The following SCN2A variants were observed in gnomAD, a reference collection of about 807,000 sequenced individuals.
SCN2A encodes sodium voltage-gated channel alpha subunit 2.
SCN2A carries 20 observed loss-of-function variants against 188.7 expected under a neutral mutation model. The observed-to-expected ratio is 0.11, with a 90% confidence interval of 0.07 to 0.15. SCN2A has a LOEUF of 0.15. Among genes scored for constraint, SCN2A ranks in the 10% least tolerant of loss-of-function variants. The pLI is 1.00. For synonymous variants in SCN2A, 804 were observed against 833.1 expected (o/e 0.97, Z 0.60); for missense variants, 1,278 against 2,445.0 (o/e 0.52, Z 10.07).
At chr2:165,363,640 A>C (rs1473632668) in intron 17 of SCN2A, among the ~76,000 whole-genome samples, 1 of 152,170 alleles carries the variant, frequency 6.6e-6, no homozygotes, top group African/African-American at 2.4e-5. Flanking sequence ...GAAATTAGAA[A>C]AACATGTAAT....
At chr2:165,251,512 T>G (rs1694092572) in intron 1 of SCN2A, among the ~76,000 whole-genome samples, 1 of 152,074 alleles carries the variant, frequency 6.6e-6, no homozygotes, top group African/African-American at 2.4e-5. Flanking sequence ...GACGATTATC[T>G]TGTGTGGTTT....
chr2:165,255,431 C>T (rs1290790214), intron 1 of SCN2A, among the ~76,000 whole-genome samples: 4 of 151,864 alleles, frequency 2.6e-5, no homozygotes, highest in South Asian at 2.1e-4. Flanking sequence ...TTGGTATTCA[C>T]GTTAATTTAA....
At chr2:165,375,838 C>A (rs1173108967) in intron 22 of SCN2A, among the ~76,000 whole-genome samples, 2 of 151,746 alleles carry the variant, frequency 1.3e-5, no homozygotes, top group African/African-American at 2.4e-5. Context: ...CACACACACA[C>A]CCCTATAGAC....
intron 14 of SCN2A, among the ~76,000 whole-genome samples, chr2:165,332,007 ATT>A (rs1348890833): frequency 6.6e-6 from 1 of 151,934 alleles, no homozygotes; most frequent in African/African-American, 2.4e-5. Context: ...GGGGATTATT[ATT>A]TTTTGTTTTT....
chr2:165,247,984 A>G (rs1395204411), intron 1 of SCN2A, among the ~76,000 whole-genome samples: 1 of 151,944 alleles, frequency 6.6e-6, no homozygotes, highest in Non-Finnish European at 1.5e-5. Context: ...ATCATCCTTG[A>G]TTATTCTTTT....
chr2:165,326,715 C>A (rs936189965), intron 12 of SCN2A, 137 bp from the exon 13 acceptor site: 3 of 1,040,598 alleles, frequency 2.9e-6, no homozygotes, highest in Non-Finnish European at 4.4e-6. Context: ...AATTATCATT[C>A]CAACAATATC....
In SCN2A at chr2:165,313,891, C is replaced by T. The variant is rs1465446223; in HGVS notation, c.1177-11C>T. 8.1e-6 allele frequency: 13 copies of T among 1,613,628 alleles called. No individual in the cohort carries two copies. The highest frequency in any genetic ancestry group is 1.1e-5 in the Non-Finnish European group (13 of 1,179,692). On this transcript the variant is annotated splice_polypyrimidine_tract_variant and intron_variant, in intron 9 of 26. Coordinates refer to ENST00000375437, the MANE Select transcript of SCN2A (RefSeq NM_001040142.2). ...TATAAAATTTATTAAAATCTCTCTT[C>T]CATTTTGCAGACACTACGTGCTGCT...
At chr2:165,272,026 C>G (rs1190104807) in intron 1 of SCN2A, 1 of 152,016 alleles carries the variant, frequency 6.6e-6, no homozygotes, top group African/African-American at 2.4e-5. Flanking sequence ...TATGAACATT[C>G]TTGCATAGGT....
chr2:165,342,518 C>A lies in SCN2A; in HGVS notation c.2562+49C>A. ...AAAATGTACTTTGTAATTAATTAGT[C>A]TTCATTCTCATCTAGTAAAAATGGC... On this transcript the variant is annotated intron_variant, in intron 15 of 26. Transcript: ENST00000375437. The A allele has an allele frequency of 1.9e-6, 3 of 1,580,198 alleles. No homozygotes were observed. In the South Asian group the frequency reaches 3.3e-5, roughly 18 times the overall value.
intron 25 of SCN2A, among the ~76,000 whole-genome samples, chr2:165,385,814 AAG>A (rs1369048703): frequency 6.6e-6 from 1 of 152,160 alleles, no homozygotes; most frequent in East Asian, 1.9e-4. Context: ...AAAATTTAAA[AAG>A]AGAGAGGAAA....
intron 1 of SCN2A, among the ~76,000 whole-genome samples, chr2:165,254,878 A>G (rs542496222): frequency 2.6e-5 from 4 of 151,778 alleles, no homozygotes; most frequent in Non-Finnish European, 5.9e-5. Flanking sequence ...CAAGTACAAA[A>G]TTACCTTACT....
intron 8 of SCN2A, among the ~76,000 whole-genome samples, chr2:165,312,470 T>C (rs559437973): frequency 1.3e-5 from 2 of 152,236 alleles, no homozygotes; most frequent in African/African-American, 4.8e-5. Flanking sequence ...AATGTTAATA[T>C]CTGAGACATG....
rs143765389 is a variant in SCN2A at position 165,310,522 on chromosome 2, A to T, written c.897A>T (p.Ser299=). 1 of 1,613,088 alleles carries T rather than the reference A, an allele frequency of 6.2e-7. No homozygotes were observed. Among genetic ancestry groups the T allele is most frequent in the Admixed American group, 1.7e-5 (1 of 59,938 alleles). ...ATATCACTTCCTTCTTTAACAATTCATTGGATGGGAATGGTACTACTTTCA... is the reference window on the plus strand; with the variant it reads ...ATATCACTTCCTTCTTTAACAATTCTTTGGATGGGAATGGTACTACTTTCA... ...EINITSFFNN[S]LDGNGTTFNR... is the part of the protein sequence containing the mutation. Residue 299 remains serine, a synonymous_variant, in exon 7 of 27, where the codon TCA becomes TCT. Coordinates refer to ENST00000375437, the MANE Select transcript of SCN2A (RefSeq NM_001040142.2).
chr2:165,291,515 C>G (rs1192350932), intron 1 of SCN2A, among the ~76,000 whole-genome samples: 3 of 56,462 alleles, frequency 5.3e-5, no homozygotes, highest in Non-Finnish European at 1.1e-4. Flanking sequence ...TTCTTTCTTC[C>G]TCTCCTTTCT....
At chr2:165,291,460 T>TTC in intron 1 of SCN2A, among the ~76,000 whole-genome samples, 1 of 34,200 alleles carries the variant, frequency 2.9e-5, no homozygotes, top group Admixed American at 3.4e-4. Context: ...CTTTCTTTCT[T>TTC]TCTTTCTTTC....
intron 1 of SCN2A, among the ~76,000 whole-genome samples, chr2:165,244,530 TTTTG>T (rs1336481870): frequency 1.2e-4 from 18 of 152,302 alleles, no homozygotes; most frequent in African/African-American, 3.8e-4. Flanking sequence ...TGTAATATCG[TTTTG>T]TTTATTAGTG....
Position 165,308,720 on chromosome 2 carries a change from G to C in SCN2A, c.531G>C (p.Arg177Ser). Residue 177 changes from arginine (R) to serine (S), a missense_variant, in exon 5 of 27, where the codon AGG becomes AGC. Transcript: ENST00000375437. ...AATCACTTATTAAAATACTTGCAAG[G>C]GGCTTTTGTTTAGAAGATTTCACAT... ...TFESLIKILA[R>S]GFCLEDFTFL... The C allele has an allele frequency of 6.2e-7, 1 of 1,612,618 alleles. No homozygotes were observed. The highest frequency in any genetic ancestry group is 8.5e-7 in the Non-Finnish European group (1 of 1,178,930).
chr2:165,374,802 T>C lies in SCN2A; in HGVS notation c.4090T>C (p.Tyr1364His). ...MGVNLFAGKFYHCINYTTGEM... is the reference protein window; with the variant it reads ...MGVNLFAGKFHHCINYTTGEM... Reference sequence around the variant, plus strand: ...AGTGAATCTCTTTGCTGGCAAGTTTTACCATTGTATTAATTACACCACTGG... The same window carrying C: ...AGTGAATCTCTTTGCTGGCAAGTTTCACCATTGTATTAATTACACCACTGG... Residue 1364 changes from tyrosine to histidine, a missense_variant, in exon 22 of 27, where the codon TAC becomes CAC. Tyr to His is a moderately conservative substitution (Grantham distance 83, BLOSUM62 2). Around this residue, in one of 17 missense-constraint regions of SCN2A, gnomAD observed 32 missense variants for 42.5 expected, o/e 0.75. Transcript: ENST00000375437. 1 of 1,613,668 alleles carries C rather than the reference T, an allele frequency of 6.2e-7. No individual in the cohort carries two copies. Among genetic ancestry groups the C allele is most frequent in the East Asian group, 2.2e-5 (1 of 44,854 alleles).
At chr2:165,280,568 C>A (rs1218639883) in intron 1 of SCN2A, among the ~76,000 whole-genome samples, 2 of 152,068 alleles carry the variant, frequency 1.3e-5, no homozygotes, top group African/African-American at 2.4e-5. Flanking sequence ...TTTACGTGCC[C>A]CCACCCATAT....
Sources: allele counts gnomAD v4.1 joint callset (sites outside exome capture counted in the v4.1 genomes callset), GRCh38; gene constraint gnomAD v4.1.1; regional missense constraint gnomAD v4.1.1; transcripts MANE v1.5; gene names NCBI Gene and HGNC (gene_info 2026-07-23, HGNC 2026-07-21).